FBXO30: variants seen among roughly 807,000 people sequenced by gnomAD.
FBXO30 encodes the protein F-box protein 30.
A neutral mutation model predicts 58.1 loss-of-function variants in FBXO30; 21 were observed. The observed-to-expected ratio is 0.36, with a 90% CI of 0.26 to 0.52. The LOEUF is 0.52. Among genes scored for constraint, FBXO30 ranks in the 20% least tolerant of loss-of-function variants. The pLI, the probability that FBXO30 is intolerant of heterozygous loss-of-function variation, is 0.93. For synonymous variants in FBXO30, 309 were observed against 312.4 expected (o/e 0.99, Z 0.11); for missense variants, 744 against 897.3 (o/e 0.83, Z 2.18).
chr6:145,800,432 C>T (rs902835304), intron 2 of FBXO30, 123 bp from the exon 3 acceptor site: 13 of 689,366 alleles, frequency 1.9e-5, no homozygotes, highest in Admixed American at 1.6e-4. Context: ...TTTCAAATAG[C>T]TATAAAATTA....
In FBXO30 at chr6:145,794,699, T is replaced by C. The variant is rs1352800436; in HGVS notation, c.*5407A>G. On this transcript the variant is annotated 3_prime_UTR_variant, in exon 3 of 3. Coordinates refer to ENST00000237281, the MANE Select transcript of FBXO30 (RefSeq NM_032145.5). ...TGCCCATTATTTCCATGGTTTGATT[T>C]ATTTCAATCAAATAACACGGTTAAA... 2.0e-5 allele frequency: 3 copies of C among 151,936 alleles called. No homozygotes were observed. Among genetic ancestry groups the C allele is most frequent in the African/African-American group, 7.2e-5 (3 of 41,450 alleles). The allele number at this position is 151,936 out of a possible 1,614,324, so 9.4% of individuals were successfully genotyped here. A position where few individuals can be genotyped will look rare whatever the true frequency, so the allele number is the denominator to read the frequency against.
rs1236261461 is a variant in FBXO30, at chr6:145,793,608, CA to C, written c.*6497del. 6.6e-6 allele frequency: 1 copy of C among 151,716 alleles called. No individual in the cohort carries two copies. Among genetic ancestry groups the C allele is most frequent in the Non-Finnish European group, 1.5e-5 (1 of 67,814 alleles). The allele number at this position is 151,716 out of a possible 1,614,324, so 9.4% of individuals were successfully genotyped here. A position where few individuals can be genotyped will look rare whatever the true frequency, so the allele number is the denominator to read the frequency against. On this transcript the variant is annotated 3_prime_UTR_variant, in exon 3 of 3. Coordinates refer to ENST00000237281, the MANE Select transcript of FBXO30 (RefSeq NM_032145.5). ...ATAAAAAAAAACCTTGAAAATTATA[CA>C]AATTTTTTTCAAAGCATGGTTTTAA...
chr6:145,805,248 A>C lies in FBXO30; in HGVS notation c.1158T>G (p.Ala386=). The change falls in exon 2 of 3, where the codon GCT becomes GCG. Residue 386 remains alanine (A), a synonymous_variant. Coordinates refer to ENST00000237281, the MANE Select transcript of FBXO30 (RefSeq NM_032145.5). The stretch of plus-strand genomic sequence containing the variant: ...AATTAGAAAGAAAATTGAATGAAGG[A>C]GCATGACTGAAAGATAAGACATCCA... ...KNVDVLSFSH[A]PSFNFLSNSC... 2 of 1,614,102 alleles carry C rather than the reference A, an allele frequency of 1.2e-6. No homozygotes were observed. Among genetic ancestry groups the C allele is most frequent in the South Asian group, 2.2e-5 (2 of 91,088 alleles).
chr6:145,801,256 T>G (rs1562558649), intron 2 of FBXO30, among the ~76,000 whole-genome samples: 1 of 152,078 alleles, frequency 6.6e-6, no homozygotes, highest in East Asian at 1.9e-4. Flanking sequence ...AGGGAACAAT[T>G]TACACACGTT....
chr6:145,812,824 TTGTC>T (rs1778369229), intron 1 of FBXO30, among the ~76,000 whole-genome samples: 1 of 152,164 alleles, frequency 6.6e-6, no homozygotes, highest in African/African-American at 2.4e-5. Flanking sequence ...TAGAAGCAAC[TTGTC>T]TAAGGCCAAT....
intron 1 of FBXO30, among the ~76,000 whole-genome samples, chr6:145,808,729 C>T (rs567815257): frequency 3.9e-5 from 6 of 152,234 alleles, no homozygotes; most frequent in Non-Finnish European, 8.8e-5. Flanking sequence ...TCAACATTTC[C>T]AAAATTAAAT....
At chr6:145,808,766 G>T (rs1188251397) in intron 1 of FBXO30, among the ~76,000 whole-genome samples, 1 of 152,148 alleles carries the variant, frequency 6.6e-6, no homozygotes, top group Non-Finnish European at 1.5e-5. Context: ...AGAATTTTCT[G>T]GATAGGAAGG....
At chr6:145,802,039 T>C (rs1778015199) in intron 2 of FBXO30, among the ~76,000 whole-genome samples, 1 of 152,092 alleles carries the variant, frequency 6.6e-6, no homozygotes. Flanking sequence ...TACTACATAG[T>C]AGGTACTATG....
At chr6:145,808,716 A>C (rs1778252043) in intron 1 of FBXO30, among the ~76,000 whole-genome samples, 1 of 152,194 alleles carries the variant, frequency 6.6e-6, no homozygotes, top group Non-Finnish European at 1.5e-5. Flanking sequence ...CAGGCAACTC[A>C]GTTCAACATT....
intron 1 of FBXO30, among the ~76,000 whole-genome samples, chr6:145,808,402 T>A (rs1778243219): frequency 6.6e-6 from 1 of 152,174 alleles, no homozygotes; most frequent in African/African-American, 2.4e-5. Flanking sequence ...TGATGACTAA[T>A]CCCTTATTTT....
rs1370685456 is a variant in FBXO30 at position 145,795,125 on chromosome 6, A to G, written c.*4981T>C. 5 of 151,828 alleles carry G rather than the reference A, an allele frequency of 3.3e-5. No homozygotes were observed. The highest frequency in any genetic ancestry group is 7.4e-5 in the Non-Finnish European group (5 of 67,794). 9.4% of individuals were successfully genotyped at this position (151,828 alleles called of 1,614,324 possible). ...TGGAAGGGGTATTAAAAAGCTGTCT[A>G]ACTCTAGTCAGTCTCTCTGTCAAAG... On this transcript the variant is annotated 3_prime_UTR_variant, in exon 3 of 3. Transcript: ENST00000237281.
chr6:145,805,480 T>C lies in FBXO30; in HGVS notation c.926A>G (p.Gln309Arg), dbSNP rs1269774147. The C allele has an allele frequency of 6.2e-7, 1 of 1,607,462 alleles. No homozygotes were observed. The highest frequency in any genetic ancestry group is 8.5e-7 in the Non-Finnish European group (1 of 1,176,362). ...QNQNLHGDSK[Q>R]SNLTNGDCVA... ...ACAGTCTCCATTTGTTAAGTTACTT[T>C]GTTTTGAATCACCATGTAAATTCTG... Residue 309 changes from glutamine (Q) to arginine (R), a missense_variant, in exon 2 of 3, where the codon CAA (glutamine) becomes CGA (arginine). Coordinates refer to ENST00000237281, the MANE Select transcript of FBXO30 (RefSeq NM_032145.5).
intron 1 of FBXO30, among the ~76,000 whole-genome samples, chr6:145,813,855 G>A (rs1433218179): frequency 2.0e-5 from 3 of 152,140 alleles, no homozygotes; most frequent in Non-Finnish European, 4.4e-5. Context: ...GAAAGGGAGA[G>A]GGAAATGGAG....
rs1236865660 is a variant in FBXO30, at chr6:145,798,763, T to C, written c.*1343A>G. 3 of 152,032 alleles carry C rather than the reference T, an allele frequency of 2.0e-5. No individual in the cohort carries two copies. Among genetic ancestry groups the C allele is most frequent in the African/African-American group, 7.2e-5 (3 of 41,396 alleles). 9.4% of individuals were successfully genotyped at this position (152,032 alleles called of 1,614,324 possible). On this transcript the variant is annotated 3_prime_UTR_variant, in exon 3 of 3. Coordinates refer to ENST00000237281, the MANE Select transcript of FBXO30 (RefSeq NM_032145.5). ...CCATATAAGGGAATCAAGAACCTAG[T>C]AATCGTGGAGTACTCTCAGGGACAA... is the stretch of plus-strand genomic sequence containing the variant.
chr6:145,805,883 C>A lies in FBXO30; in HGVS notation c.523G>T (p.Asp175Tyr), dbSNP rs962833705. The A allele has an allele frequency of 6.2e-7, 1 of 1,613,906 alleles. No homozygotes were observed. Among genetic ancestry groups the A allele is most frequent in the Admixed American group, 1.7e-5 (1 of 59,964 alleles). Reference protein sequence around the residue: ...IPHANGLVSVDEESYGALYQA... With the variant: ...IPHANGLVSVYEESYGALYQA... ...TAAAGTGCACCATAAGATTCTTCAT[C>A]AACAGACACTAAACCATTAGCATGT... is the stretch of plus-strand genomic sequence containing the variant. Residue 175 changes from aspartate to tyrosine, a missense_variant, in exon 2 of 3, where the codon GAT becomes TAT. Physicochemically the swap from Asp to Tyr is radical, Grantham distance 160 (BLOSUM62 -3). Transcript: ENST00000237281.
intron 2 of FBXO30, among the ~76,000 whole-genome samples, chr6:145,801,147 C>T (rs1303956072): frequency 6.6e-6 from 1 of 152,058 alleles, no homozygotes; most frequent in East Asian, 1.9e-4. Flanking sequence ...AAGTAACAAG[C>T]ATGAATGCAG....
At chr6:145,811,283 C>G (rs1778326642) in intron 1 of FBXO30, among the ~76,000 whole-genome samples, 1 of 152,180 alleles carries the variant, frequency 6.6e-6, no homozygotes, top group Non-Finnish European at 1.5e-5. Flanking sequence ...AAATACCTTA[C>G]AGATCTGGCA....
intron 2 of FBXO30, among the ~76,000 whole-genome samples, chr6:145,803,180 T>G (rs1158738332): frequency 6.6e-6 from 1 of 151,860 alleles, no homozygotes; most frequent in Non-Finnish European, 1.5e-5. Context: ...CCCCAAAAAT[T>G]TCACTCCATA....
Position 145,799,869 on chromosome 6 carries a change from G to C in FBXO30, c.*237C>G. On this transcript the variant is annotated 3_prime_UTR_variant, in exon 3 of 3. Coordinates refer to ENST00000237281, the MANE Select transcript of FBXO30 (RefSeq NM_032145.5). Reference sequence around the variant, plus strand: ...AAATACTAATTCTTAAAATTATGTAGCTAAAAATTAAATCACCCTGTCCAG... The same window carrying C: ...AAATACTAATTCTTAAAATTATGTACCTAAAAATTAAATCACCCTGTCCAG... 3.4e-6 allele frequency: 1 copy of C among 290,082 alleles called. No homozygotes were observed. The highest frequency in any genetic ancestry group is 8.0e-5 in the South Asian group (1 of 12,568). The allele number at this position is 290,082 out of a possible 1,614,324, so 18.0% of individuals were successfully genotyped here.
Sources: allele counts gnomAD v4.1 joint callset (sites outside exome capture counted in the v4.1 genomes callset), GRCh38; gene constraint gnomAD v4.1.1; transcripts MANE v1.5; gene names NCBI Gene and HGNC (gene_info 2026-07-23, HGNC 2026-07-21).